TANK: variants seen among roughly 807,000 people sequenced by gnomAD.
TANK encodes TRAF family member associated NFKB activator, also known as TRAF family member-associated NF-kappa-B activator.
In TANK, 15 loss-of-function variants were observed where a neutral mutation model predicts 43.6. The ratio of observed to expected loss-of-function variants is 0.34; its 90% CI spans 0.23 to 0.53. TANK has a LOEUF of 0.53. Ranked by LOEUF, TANK falls within the 20% of genes least tolerant of loss-of-function variation. The pLI is 0.94. For synonymous variants in TANK, 162 were observed against 178.2 expected (o/e 0.91, Z 0.73); for missense variants, 417 against 498.6 (o/e 0.84, Z 1.56).
intron 1 of TANK, among the ~76,000 whole-genome samples, chr2:161,144,587 C>T (rs1192740703): frequency 6.6e-6 from 1 of 152,156 alleles, no homozygotes; most frequent in East Asian, 1.9e-4. Context: ...GCACATTGTT[C>T]AATTTCCATG....
intron 2 of TANK, chr2:161,200,509 T>C (rs1686355341): frequency 2.0e-6 from 2 of 982,664 alleles, no homozygotes; most frequent in Non-Finnish European, 2.4e-6. Context: ...CCTTTTGGTC[T>C]TTCCCTCTCA....
intron 6 of TANK, among the ~76,000 whole-genome samples, chr2:161,227,796 C>G (rs1328483192): frequency 7.9e-5 from 12 of 152,204 alleles, no homozygotes; most frequent in Non-Finnish European, 5.9e-5. Flanking sequence ...TAGCAAATGT[C>G]ATCTACAAAG....
chr2:161,142,515 G>A (rs1310237969), intron 1 of TANK, among the ~76,000 whole-genome samples: 1 of 152,038 alleles, frequency 6.6e-6, no homozygotes, highest in Non-Finnish European at 1.5e-5. Flanking sequence ...GTAAGGAAGG[G>A]GTGCAGTTTC....
intron 2 of TANK, among the ~76,000 whole-genome samples, chr2:161,186,921 T>A (rs548783457): frequency 6.6e-6 from 1 of 152,194 alleles, no homozygotes; most frequent in Admixed American, 6.5e-5. Flanking sequence ...AAAAAATGCT[T>A]ACCATACTAA....
chr2:161,156,470 T>C (rs1295007709), upstream of TANK: 2 of 647,382 alleles, frequency 3.1e-6, no homozygotes, highest in Non-Finnish European at 3.8e-6. Flanking sequence ...ATTCTCTCCA[T>C]ATACTTCTGC....
intron 7 of TANK, among the ~76,000 whole-genome samples, chr2:161,235,056 C>CATT (rs3834133): frequency 0.11 from 16,769 of 152,054 alleles, 1,638 homozygotes; most frequent in African/African-American, 0.26. Context: ...CTGTTGTGAT[C>CATT]GAGTATTAAA....
Position 161,235,894 on chromosome 2 carries a change from T to G in TANK, c.*376T>G, listed in dbSNP as rs1446770758. The G allele has an allele frequency of 6.5e-6, 1 of 154,200 alleles. No individual in the cohort carries two copies. The highest frequency in any genetic ancestry group is 1.4e-5 in the Non-Finnish European group (1 of 69,536). 9.6% of individuals were successfully genotyped at this position (154,200 alleles called of 1,614,324 possible). A position where few individuals can be genotyped will look rare whatever the true frequency, so the allele number is the denominator to read the frequency against. On this transcript the variant is annotated 3_prime_UTR_variant, in exon 8 of 8. Transcript: ENST00000392749. ...GGATTTCTAGTGAGAGCTGTTGAATTTGGTGATGTCAAATGTTTCTAGGGT... is the reference window on the plus strand; with the variant it reads ...GGATTTCTAGTGAGAGCTGTTGAATGTGGTGATGTCAAATGTTTCTAGGGT...
At chr2:161,207,970 G>A in intron 4 of TANK, 1 of 890,960 alleles carries the variant, frequency 1.1e-6, no homozygotes, top group Non-Finnish European at 1.3e-6. Flanking sequence ...CCAATCAATT[G>A]GCCTAGCTTC....
At chr2:161,170,188 A>T (rs1684881024) in intron 1 of TANK, among the ~76,000 whole-genome samples, 2 of 152,206 alleles carry the variant, frequency 1.3e-5, no homozygotes, top group Non-Finnish European at 2.9e-5. Context: ...AGGAACATCA[A>T]GTTAAAAGTG....
intron 1 of TANK, among the ~76,000 whole-genome samples, chr2:161,165,678 C>T (rs112469136): frequency 2.6e-5 from 4 of 152,226 alleles, no homozygotes; most frequent in African/African-American, 9.6e-5. Flanking sequence ...CTAGTTCCCT[C>T]ATCTGTGAAT....
chr2:161,204,919 T>C lies in TANK; in HGVS notation c.327+126T>C, dbSNP rs908712009. On this transcript the variant is annotated intron_variant, in intron 4 of 7. Transcript: ENST00000392749. ...AGTTCCATATATACAAATATGTGGC[T>C]TAAATATTTCTAAATAGAAGAACTA... 132 of 1,468,454 alleles carry C rather than the reference T, an allele frequency of 9.0e-5. 2 individuals carry two copies. In the South Asian group the frequency reaches 1.7e-3, roughly 19 times the overall value. The allele number at this position is 1,468,454 out of a possible 1,614,324, so 91.0% of individuals were successfully genotyped here.
chr2:161,228,547 A>C (rs907184271), intron 6 of TANK, among the ~76,000 whole-genome samples: 2 of 152,230 alleles, frequency 1.3e-5, no homozygotes, highest in African/African-American at 4.8e-5. Context: ...AAAAAAAAAA[A>C]GTTAATATCA....
At chr2:161,140,534 A>G (rs1488894007) in intron 1 of TANK, among the ~76,000 whole-genome samples, 1 of 151,438 alleles carries the variant, frequency 6.6e-6, no homozygotes, top group Non-Finnish European at 1.5e-5. Flanking sequence ...TTTCTTCTAT[A>G]GTTAGCTCTT....
chr2:161,184,204 T>C (rs1685554262), intron 2 of TANK, among the ~76,000 whole-genome samples: 1 of 152,204 alleles, frequency 6.6e-6, no homozygotes, highest in South Asian at 2.1e-4. Flanking sequence ...GGCTAAGTAG[T>C]TTGTACTATA....
chr2:161,163,697 C>T (rs2105255296), intron 1 of TANK, among the ~76,000 whole-genome samples: 2 of 152,214 alleles, frequency 1.3e-5, no homozygotes, highest in East Asian at 1.9e-4. Context: ...TAGCCAAATC[C>T]TACAGAGGGT....
chr2:161,148,765 GA>G (rs959685110), intron 1 of TANK, among the ~76,000 whole-genome samples: 13 of 152,218 alleles, frequency 8.5e-5, no homozygotes, highest in African/African-American at 3.1e-4. Context: ...ATCATTTGTT[GA>G]AGAGACTATT....
chr2:161,234,606 T>A (rs1293888642), intron 7 of TANK, among the ~76,000 whole-genome samples: 1 of 152,206 alleles, frequency 6.6e-6, no homozygotes, highest in East Asian at 1.9e-4. Context: ...ATTATGACTT[T>A]CCATAATTCT....
chr2:161,194,964 A>G (rs1686079683), intron 2 of TANK, among the ~76,000 whole-genome samples: 1 of 152,138 alleles, frequency 6.6e-6, no homozygotes, highest in South Asian at 2.1e-4. Flanking sequence ...AAAGTGCTCC[A>G]GGTAGTTTCT....
intron 2 of TANK, among the ~76,000 whole-genome samples, chr2:161,192,585 C>T (rs1176809113): frequency 1.3e-5 from 2 of 152,144 alleles, no homozygotes; most frequent in Non-Finnish European, 2.9e-5. Context: ...AGCTTATCCT[C>T]TGGTACAGCC....
Sources: allele counts gnomAD v4.1 joint callset (sites outside exome capture counted in the v4.1 genomes callset), GRCh38; gene constraint gnomAD v4.1.1; transcripts MANE v1.5; gene names NCBI Gene and HGNC (gene_info 2026-07-23, HGNC 2026-07-21).